TBC1D19: variants seen among roughly 807,000 people sequenced by gnomAD.
The protein encoded by TBC1D19 is TBC1 domain family, member 19.
A neutral mutation model predicts 89.0 loss-of-function variants in TBC1D19; 60 were observed. That is an observed-to-expected ratio of 0.67 (90% CI 0.55 to 0.84). The LOEUF is 0.84. TBC1D19 is among the 40% of genes least tolerant of loss of function. The pLI, the probability that TBC1D19 is intolerant of heterozygous loss-of-function variation, is 0.00. For missense variants in TBC1D19, 500 were observed against 610.8 expected (o/e 0.82, Z 1.91); for synonymous variants, 189 against 199.7 (o/e 0.95, Z 0.45).
At chr4:26,829,671 C>T in the TBC1D19 span, among the ~76,000 whole-genome samples, 1 of 152,200 alleles carries the variant, frequency 6.6e-6, no homozygotes, top group Non-Finnish European at 1.5e-5. Context: ...CTAGGCTAAG[C>T]AATGAATCTG....
At chr4:26,783,021 C>T in the TBC1D19 span, among the ~76,000 whole-genome samples, 3 of 152,176 alleles carry the variant, frequency 2.0e-5, no homozygotes, top group African/African-American at 7.2e-5. Flanking sequence ...TAATCCTGTA[C>T]AATCCACAGT....
intron 1 of TBC1D19, among the ~76,000 whole-genome samples, chr4:26,606,803 C>G (rs188244893): frequency 1.3e-5 from 2 of 152,222 alleles, no homozygotes; most frequent in East Asian, 3.9e-4. Context: ...GATGAGGTCT[C>G]TTTAGAGGGA....
intron 7 of TBC1D19, among the ~76,000 whole-genome samples, chr4:26,655,677 C>T (rs983342917): frequency 5.9e-5 from 9 of 152,200 alleles, no homozygotes; most frequent in Admixed American, 1.3e-4. Context: ...GAGCCAGGCA[C>T]GGGATACAAT....
the TBC1D19 span, among the ~76,000 whole-genome samples, chr4:26,826,713 C>G: frequency 6.6e-6 from 1 of 152,180 alleles, no homozygotes; most frequent in African/African-American, 2.4e-5. Context: ...ATTTCAAGGT[C>G]TATAACTGTT....
the TBC1D19 span, among the ~76,000 whole-genome samples, chr4:26,800,155 G>A: frequency 3.3e-3 from 506 of 151,958 alleles, 3 homozygotes; most frequent in African/African-American, 0.011. Flanking sequence ...ATCCCTCCCC[G>A]TCTCCCCACC....
intron 18 of TBC1D19, among the ~76,000 whole-genome samples, chr4:26,746,643 C>T (rs775855455): frequency 5.3e-5 from 8 of 152,074 alleles, no homozygotes; most frequent in Non-Finnish European, 5.9e-5. Context: ...TATTCCAAGA[C>T]CCCCAGTGGG....
rs976082544 is a variant in TBC1D19 at position 26,593,632 on chromosome 4, C to T, written c.99+9340C>T. Reference sequence around the variant, plus strand: ...ATCCAGAATCTACAATGAACTCAAACAAATTTACAAGAAAAAAACAATCAA... The same window carrying T: ...ATCCAGAATCTACAATGAACTCAAATAAATTTACAAGAAAAAAACAATCAA... On this transcript the variant is annotated intron_variant, in intron 1 of 20. Coordinates refer to ENST00000264866, the MANE Select transcript of TBC1D19 (RefSeq NM_018317.4). 5.3e-5 allele frequency among the ~76,000 whole-genome samples: 8 copies of T among 152,220 alleles called. No individual in the cohort carries two copies. In the East Asian group the frequency reaches 5.8e-4, roughly 11 times the overall value.
At chr4:26,622,708 T>A (rs1348710772) in intron 4 of TBC1D19, among the ~76,000 whole-genome samples, 1 of 152,214 alleles carries the variant, frequency 6.6e-6, no homozygotes, top group Non-Finnish European at 1.5e-5. Context: ...ATCACTAAGA[T>A]ATGTTTTATT....
At chr4:26,818,726 C>T in the TBC1D19 span, among the ~76,000 whole-genome samples, 6 of 152,130 alleles carry the variant, frequency 3.9e-5, no homozygotes, top group African/African-American at 1.2e-4. Context: ...GCTACAATGA[C>T]GAACTCTTCT....
At chr4:26,665,563 T>A (rs1711733370) in intron 8 of TBC1D19, among the ~76,000 whole-genome samples, 1 of 152,014 alleles carries the variant, frequency 6.6e-6, no homozygotes, top group African/African-American at 2.4e-5. Context: ...GGAGAATAAA[T>A]CTGATTTATC....
intron 13 of TBC1D19, among the ~76,000 whole-genome samples, chr4:26,699,959 A>G (rs562950102): frequency 9.1e-4 from 138 of 152,150 alleles, no homozygotes; most frequent in Middle Eastern, 3.4e-3. Context: ...ACATGTATAC[A>G]TATGTAACAA....
chr4:26,848,745 G>C, the TBC1D19 span, among the ~76,000 whole-genome samples: 1 of 152,132 alleles, frequency 6.6e-6, no homozygotes, highest in African/African-American at 2.4e-5. Flanking sequence ...CAAAGCTCCT[G>C]TCCCACCCAT....
chr4:26,718,081 T>G, intron 14 of TBC1D19, 64 bp downstream of exon 14: 2 of 1,334,742 alleles, frequency 1.5e-6, no homozygotes, highest in Non-Finnish European at 2.1e-6. Context: ...AATATTTGTT[T>G]TATTTTTGGA....
At chr4:26,730,158 A>G (rs184217264) in intron 15 of TBC1D19, among the ~76,000 whole-genome samples, 43 of 152,280 alleles carry the variant, frequency 2.8e-4, no homozygotes, top group African/African-American at 9.9e-4. Flanking sequence ...TTAAAAAATG[A>G]TAGAGGTAGA....
chr4:26,607,675 A>G (rs1036641310), intron 1 of TBC1D19, among the ~76,000 whole-genome samples: 1 of 152,170 alleles, frequency 6.6e-6, no homozygotes, highest in African/African-American at 2.4e-5. Flanking sequence ...TACACTAAGA[A>G]ACAACACTCT....
chr4:26,742,004 G>T (rs1718401593), intron 17 of TBC1D19, among the ~76,000 whole-genome samples: 3 of 152,150 alleles, frequency 2.0e-5, no homozygotes, highest in Admixed American at 6.5e-5. Flanking sequence ...CTTTTCCTGG[G>T]GGTAGATTTC....
At chr4:26,579,374 C>T (rs1190550720), upstream of TBC1D19, among the ~76,000 whole-genome samples, 1 of 152,170 alleles carries the variant, frequency 6.6e-6, no homozygotes, top group Non-Finnish European at 1.5e-5. Context: ...TGTGACAAAG[C>T]TTCAGGCAGT....
chr4:26,744,916 CTAAT>C (rs1718564842), intron 18 of TBC1D19, among the ~76,000 whole-genome samples: 1 of 152,122 alleles, frequency 6.6e-6, no homozygotes, highest in African/African-American at 2.4e-5. Flanking sequence ...TATACACTTA[CTAAT>C]TTTCTGTCTA....
intron 13 of TBC1D19, among the ~76,000 whole-genome samples, chr4:26,716,777 T>A (rs1716646661): frequency 6.6e-6 from 1 of 152,078 alleles, no homozygotes; most frequent in African/African-American, 2.4e-5. Flanking sequence ...TTTCCCCTTT[T>A]GTTTATCATC....
Sources: allele counts gnomAD v4.1 joint callset (sites outside exome capture counted in the v4.1 genomes callset), GRCh38; gene constraint gnomAD v4.1.1; transcripts MANE v1.5; gene names NCBI Gene and HGNC (gene_info 2026-07-23, HGNC 2026-07-21).